Variants in CLSTN2 observed in about 807,000 individuals in gnomAD.
CLSTN2 encodes the protein calsyntenin-2.
Under a neutral mutation model 101.2 loss-of-function variants are expected in CLSTN2, and 48 were observed. The ratio of observed to expected loss-of-function variants is 0.47; its 90% CI spans 0.38 to 0.60. CLSTN2 has a LOEUF of 0.60. CLSTN2 is among the 20% of genes least tolerant of loss of function. CLSTN2 has a pLI of 0.00. For synonymous variants in CLSTN2, 481 were observed against 463.6 expected (o/e 1.04, Z -0.48); for missense variants, 1,160 against 1,238.2 (o/e 0.94, Z 0.95).
chr3:140,278,767 C>A (rs1303545099), intron 2 of CLSTN2, among the ~76,000 whole-genome samples: 1 of 152,218 alleles, frequency 6.6e-6, no homozygotes. Context: ...GCTGCCCAGA[C>A]TGGAGTGCAG....
At chr3:140,356,323 C>A (rs746186999) in intron 2 of CLSTN2, among the ~76,000 whole-genome samples, 6 of 152,152 alleles carry the variant, frequency 3.9e-5, no homozygotes, top group Non-Finnish European at 7.3e-5. Context: ...AGGGTAGATT[C>A]ACAAAGCAGT....
chr3:140,157,100 C>T (rs1054721157), intron 1 of CLSTN2, among the ~76,000 whole-genome samples: 1 of 152,020 alleles, frequency 6.6e-6, no homozygotes, highest in Non-Finnish European at 1.5e-5. Flanking sequence ...GGGGAAGCAT[C>T]GCTGCTCAGA....
chr3:140,141,331 T>TG (rs2009694077), intron 1 of CLSTN2, among the ~76,000 whole-genome samples: 3 of 152,180 alleles, frequency 2.0e-5, no homozygotes, highest in Admixed American at 2.0e-4. Context: ...TTCTGCCTCT[T>TG]GCTTTGACCA....
intron 2 of CLSTN2, among the ~76,000 whole-genome samples, chr3:140,191,797 T>C (rs1438930303): frequency 6.6e-6 from 1 of 151,944 alleles, no homozygotes; most frequent in Non-Finnish European, 1.5e-5. Context: ...AGTGCAGGTT[T>C]ATCAAGTTTA....
intron 1 of CLSTN2, among the ~76,000 whole-genome samples, chr3:140,062,227 C>T (rs2008219209): frequency 6.6e-6 from 1 of 152,130 alleles, no homozygotes; most frequent in Non-Finnish European, 1.5e-5. Flanking sequence ...TGTGAACATC[C>T]TCTTCTGAGA....
intron 1 of CLSTN2, among the ~76,000 whole-genome samples, chr3:139,972,946 A>G (rs1260738680): frequency 4.6e-5 from 7 of 152,228 alleles, no homozygotes; most frequent in Non-Finnish European, 2.9e-5. Flanking sequence ...ATGTGCCTCT[A>G]TTACACATTA....
intron 2 of CLSTN2, among the ~76,000 whole-genome samples, chr3:140,236,824 A>AGTGT (rs548988567): frequency 0.084 from 10,568 of 125,514 alleles, 400 homozygotes; most frequent in Admixed American, 0.13. Context: ...TATGTTATAT[A>AGTGT]GTGTGTGTGT....
At chr3:140,427,224 T>TATATATAC (rs2088580302) in intron 5 of CLSTN2, among the ~76,000 whole-genome samples, 2 of 69,488 alleles carry the variant, frequency 2.9e-5, no homozygotes, top group African/African-American at 1.7e-4. Flanking sequence ...TATATATATA[T>TATATATAC]GTGTGTATAT....
intron 2 of CLSTN2, among the ~76,000 whole-genome samples, chr3:140,371,126 C>A (rs1235445799): frequency 1.3e-5 from 2 of 152,192 alleles, no homozygotes; most frequent in Non-Finnish European, 2.9e-5. Flanking sequence ...ACAGGCAATT[C>A]CCCTGGTACT....
chr3:140,222,117 A>C (rs1003446195), intron 2 of CLSTN2, among the ~76,000 whole-genome samples: 4 of 152,116 alleles, frequency 2.6e-5, no homozygotes, highest in Non-Finnish European at 5.9e-5. Context: ...CACATATACA[A>C]AACGGGGTGC....
intron 1 of CLSTN2, among the ~76,000 whole-genome samples, chr3:139,979,177 C>T (rs1404702132): frequency 3.3e-5 from 5 of 152,054 alleles, no homozygotes. Context: ...GACCAGGATT[C>T]CAGGCCAGTC....
intron 1 of CLSTN2, among the ~76,000 whole-genome samples, chr3:140,028,762 G>A (rs781677386): frequency 1.1e-4 from 16 of 152,134 alleles, no homozygotes; most frequent in Admixed American, 3.9e-4. Flanking sequence ...CCTTAATACA[G>A]AGCAGACAAT....
At chr3:140,557,140 G>C (rs144380059) in intron 11 of CLSTN2, 225 of 154,034 alleles carry the variant, frequency 1.5e-3, no homozygotes, top group African/African-American at 5.1e-3. Flanking sequence ...AATTAAATTA[G>C]AGGATTACTG....
At chr3:140,082,700 A>G (rs2008619340) in intron 1 of CLSTN2, among the ~76,000 whole-genome samples, 1 of 152,178 alleles carries the variant, frequency 6.6e-6, no homozygotes, top group South Asian at 2.1e-4. Flanking sequence ...TTGTCTTGCC[A>G]GAAGTTGTCT....
At chr3:140,479,764 C>T (rs1934072747) in intron 8 of CLSTN2, among the ~76,000 whole-genome samples, 1 of 151,874 alleles carries the variant, frequency 6.6e-6, no homozygotes, top group South Asian at 2.1e-4. Context: ...TACCAAAGGA[C>T]AGGAAAAAGT....
chr3:140,369,444 G>T (rs771773047), intron 2 of CLSTN2, among the ~76,000 whole-genome samples: 2 of 152,168 alleles, frequency 1.3e-5, no homozygotes, highest in Non-Finnish European at 2.9e-5. Context: ...TTAAACCTGG[G>T]ATCAGCATAA....
chr3:140,254,567 A>C (rs1455288828), intron 2 of CLSTN2, among the ~76,000 whole-genome samples: 2 of 152,186 alleles, frequency 1.3e-5, no homozygotes, highest in Non-Finnish European at 2.9e-5. Flanking sequence ...CATCTCTGTT[A>C]ATGAGGAAGG....
chr3:140,129,946 A>G (rs968991345), intron 1 of CLSTN2, among the ~76,000 whole-genome samples: 1 of 152,218 alleles, frequency 6.6e-6, no homozygotes, highest in African/African-American at 2.4e-5. Context: ...TCAAGGGGAC[A>G]CAGCGTTGTC....
chr3:140,503,176 C>T (rs1256696822), intron 8 of CLSTN2, among the ~76,000 whole-genome samples: 2 of 152,144 alleles, frequency 1.3e-5, no homozygotes, highest in African/African-American at 4.8e-5. Context: ...CCTAAATGGT[C>T]CAGGATACTC....
Sources: allele counts gnomAD v4.1 joint callset (sites outside exome capture counted in the v4.1 genomes callset), GRCh38; gene constraint gnomAD v4.1.1; transcripts MANE v1.5; gene names NCBI Gene and HGNC (gene_info 2026-07-23, HGNC 2026-07-21).